ADCY3: variants seen among roughly 807,000 people sequenced by gnomAD.
ADCY3 encodes the protein adenylate cyclase 3.
A neutral mutation model predicts 119.4 loss-of-function variants in ADCY3; 70 were observed. That is an observed-to-expected ratio of 0.59 (90% CI 0.48 to 0.72). The LOEUF is 0.72. Ranked by LOEUF, ADCY3 falls within the 30% of genes least tolerant of loss-of-function variation. ADCY3 has a pLI of 0.00. For missense variants in ADCY3, 1,238 were observed against 1,541.6 expected (o/e 0.80, Z 3.30); for synonymous variants, 672 against 621.4 (o/e 1.08, Z -1.21).
rs768887691 is a variant in ADCY3, at chr2:24,878,456, G to A, written c.676-5737C>T. 1.3e-5 allele frequency among the ~76,000 whole-genome samples: 2 copies of A among 152,116 alleles called. No individual in the cohort carries two copies. The highest frequency in any genetic ancestry group is 2.9e-5 in the Non-Finnish European group (2 of 68,026). Reference sequence around the variant, plus strand: ...CCTATAAGCTCATTCCAGCCTGAAGGTTCCAGAACACTCTGGAACTGTGGA... The same window carrying A: ...CCTATAAGCTCATTCCAGCCTGAAGATTCCAGAACACTCTGGAACTGTGGA... On this transcript the variant is annotated intron_variant, in intron 2 of 21. Coordinates refer to ENST00000679454, the MANE Select transcript of ADCY3 (RefSeq NM_004036.5). This position sits in a 1 kb window ranked among gnomAD's most constrained non-coding sequence, Gnocchi z 4.0.
At chr2:24,822,304 AGCAGGGGGTTGT>A in intron 19 of ADCY3, 195 bp downstream of exon 19, 1 of 636,250 alleles carries the variant, frequency 1.6e-6, no homozygotes, top group African/African-American at 1.8e-5. Context: ...AGCTGTGAAC[AGCAGGGGGTTGT>A]GTGTCTGTTC....
At chr2:24,847,185 G>A (rs373981819) in intron 3 of ADCY3, among the ~76,000 whole-genome samples, 73 of 152,244 alleles carry the variant, frequency 4.8e-4, no homozygotes, top group African/African-American at 1.5e-3. Context: ...TGCTATTCTC[G>A]TGATAGCAAA....
At chr2:24,888,418 C>G (rs1677310931) in intron 2 of ADCY3, among the ~76,000 whole-genome samples, 1 of 152,242 alleles carries the variant, frequency 6.6e-6, no homozygotes, top group African/African-American at 2.4e-5. Flanking sequence ...GCTGCTAGAG[C>G]CACCTGCCGG....
At chr2:24,821,478 G>A in intron 20 of ADCY3, 39 bp downstream of exon 20, 2 of 1,608,818 alleles carry the variant, frequency 1.2e-6, no homozygotes, top group Non-Finnish European at 1.7e-6. Flanking sequence ...TGCATGGGAA[G>A]GGAGCCTGCT....
chr2:24,824,458 GTCGCATC>G lies in ADCY3; in HGVS notation c.2649_2655del (p.Glu883AspfsTer86). The G allele has an allele frequency of 6.2e-7, 1 of 1,614,216 alleles. No homozygotes were observed. Among genetic ancestry groups the G allele is most frequent in the South Asian group, 1.1e-5 (1 of 91,088 alleles). On this transcript the variant is annotated frameshift_variant, in exon 17 of 22. Coordinates refer to ENST00000679454, the MANE Select transcript of ADCY3 (RefSeq NM_004036.5). LOFTEE classifies it high-confidence loss of function. ...TTGGTGACCAAGGCCTCGTTCCAGC[GTCGCATC>G]TCATAGACACGTTCCTTCTGGTCGT...
chr2:24,918,395 C>G lies in ADCY3; in HGVS notation c.593G>C (p.Cys198Ser). Residue 198 changes from cysteine to serine, a missense_variant, in exon 2 of 22, where the codon TGT (cysteine) becomes TCT (serine). Cys to Ser is a moderately radical substitution (Grantham distance 112). Transcript: ENST00000679454. The surrounding 1 kb of genome is among the most constrained non-coding windows in gnomAD (Gnocchi z 5.4). ...SPIVIISVVSCVVHTLVLGVT... is the reference protein window; with the variant it reads ...SPIVIISVVSSVVHTLVLGVT... The stretch of plus-strand genomic sequence containing the variant: ...CCCCAGGACCAACGTGTGCACCACA[C>G]AGGAGACCACGGAGATGATCACGAT... 2 of 1,613,720 alleles carry G rather than the reference C, an allele frequency of 1.2e-6. No individual in the cohort carries two copies. The highest frequency in any genetic ancestry group is 1.1e-5 in the South Asian group (1 of 91,066).
chr2:24,838,558 C>T lies in ADCY3; in HGVS notation c.1420G>A (p.Asp474Asn), dbSNP rs772276162. ...AGGTAATCACAGCGGCTGCCCCCAT[C>T]GCCTGGCTCCACATCAAACTCCCCT... ...LKGEFDVEPG[D>N]GGSRCDYLEE... The change falls in exon 8 of 22, where the codon GAT becomes AAT. Residue 474 changes from aspartate (D) to asparagine (N), a missense_variant. This residue lies in a region of ADCY3 where 283 missense variants were observed against 437.2 expected (regional missense o/e 0.65). Coordinates refer to ENST00000679454, the MANE Select transcript of ADCY3 (RefSeq NM_004036.5). 14 of 1,614,048 alleles carry T rather than the reference C, an allele frequency of 8.7e-6. No individual in the cohort carries two copies. Among genetic ancestry groups the T allele is most frequent in the South Asian group, 5.5e-5 (5 of 91,080 alleles).
rs1241420296 is a variant in ADCY3 at position 24,838,545 on chromosome 2, C to T, written c.1433G>A (p.Arg478His). The T allele has an allele frequency of 1.9e-6, 3 of 1,613,986 alleles. No individual in the cohort carries two copies. Among genetic ancestry groups the T allele is most frequent in the Non-Finnish European group, 2.5e-6 (3 of 1,180,032 alleles). ...FDVEPGDGGSRCDYLEEKGIE... is the reference protein window; with the variant it reads ...FDVEPGDGGSHCDYLEEKGIE... The stretch of plus-strand genomic sequence containing the variant: ...ACCCTTCTCTTCTAGGTAATCACAG[C>T]GGCTGCCCCCATCGCCTGGCTCCAC... The change falls in exon 8 of 22, where the codon CGC becomes CAC. Residue 478 changes from arginine to histidine, a missense_variant. Coordinates refer to ENST00000679454, the MANE Select transcript of ADCY3 (RefSeq NM_004036.5).
intron 2 of ADCY3, among the ~76,000 whole-genome samples, chr2:24,874,762 G>A (rs766552490): frequency 3.9e-5 from 6 of 152,204 alleles, no homozygotes; most frequent in Non-Finnish European, 5.9e-5. Context: ...TTGCCCAGCC[G>A]GTGAGGGGCA....
chr2:24,883,676 G>A (rs935958576), intron 2 of ADCY3, among the ~76,000 whole-genome samples: 1 of 152,190 alleles, frequency 6.6e-6, no homozygotes, highest in Non-Finnish European at 1.5e-5. Context: ...CTGACTTTCT[G>A]AAACTAACTT....
intron 2 of ADCY3, among the ~76,000 whole-genome samples, chr2:24,907,575 G>C (rs551846172): frequency 6.6e-6 from 1 of 152,296 alleles, no homozygotes; most frequent in South Asian, 2.1e-4. Flanking sequence ...CTGAAAACCT[G>C]CTCAGAAGAA....
chr2:24,906,935 A>G (rs1662911971), intron 2 of ADCY3, among the ~76,000 whole-genome samples: 1 of 152,060 alleles, frequency 6.6e-6, no homozygotes, highest in Non-Finnish European at 1.5e-5. Context: ...GTTTGAGACC[A>G]CCCTGGCCAT....
intron 17 of ADCY3, among the ~76,000 whole-genome samples, chr2:24,823,640 C>T (rs990548733): frequency 3.3e-5 from 5 of 151,476 alleles, no homozygotes; most frequent in South Asian, 4.2e-4. Flanking sequence ...TCACCATGCC[C>T]GGCTGTAGAT....
At chr2:24,907,830 A>G (rs1028380936) in intron 2 of ADCY3, among the ~76,000 whole-genome samples, 4 of 151,568 alleles carry the variant, frequency 2.6e-5, no homozygotes, top group African/African-American at 9.7e-5. Flanking sequence ...CCCCATCTCT[A>G]CAAAAATACA....
chr2:24,858,918 A>G (rs1673317761), intron 3 of ADCY3, among the ~76,000 whole-genome samples: 1 of 152,224 alleles, frequency 6.6e-6, no homozygotes, highest in South Asian at 2.1e-4. Flanking sequence ...CTATGGGTTC[A>G]TCATCTGCAT....
Position 24,823,241 on chromosome 2 carries a change from A to G in ADCY3, c.2851T>C (p.Phe951Leu), listed in dbSNP as rs779895158. Residue 951 changes from phenylalanine to leucine, a missense_variant, in exon 18 of 22, where the codon TTC becomes CTC. Phe to Leu is a conservative substitution (Grantham distance 22, BLOSUM62 0). Coordinates refer to ENST00000679454, the MANE Select transcript of ADCY3 (RefSeq NM_004036.5). ...AAATCTGAGATGATTTCATTGAGGA[A>G]ACGCAGACACTCAATACCACCATTG... The part of the protein sequence containing the change: ...INNGGIECLR[F>L]LNEIISDFDS... 1 of 1,613,338 alleles carries G rather than the reference A, an allele frequency of 6.2e-7. No homozygotes were observed.
At chr2:24,853,022 G>A (rs1231675661) in intron 3 of ADCY3, among the ~76,000 whole-genome samples, 1 of 44,672 alleles carries the variant, frequency 2.2e-5, no homozygotes, top group Non-Finnish European at 4.2e-5. Flanking sequence ...GTGTGTGTGT[G>A]TGTGTGTGTG....
At chr2:24,833,029 G>A (rs887970121) in intron 11 of ADCY3, among the ~76,000 whole-genome samples, 3 of 152,188 alleles carry the variant, frequency 2.0e-5, no homozygotes, top group Non-Finnish European at 4.4e-5. Flanking sequence ...ATCTATCGAC[G>A]GAATCCAACC....
At chr2:24,902,390 T>C (rs539890642) in intron 2 of ADCY3, among the ~76,000 whole-genome samples, 37 of 151,798 alleles carry the variant, frequency 2.4e-4, no homozygotes, top group African/African-American at 8.0e-4. Context: ...CTTAGGTGTA[T>C]ATTTTGATGA....
Sources: gnomAD v4.1 joint callset for allele counts (sites outside exome capture counted in the v4.1 genomes callset) on GRCh38, gnomAD v4.1.1 for gene constraint, gnomAD v4.1.1 regional missense constraint, Gnocchi (gnomAD v3.1) non-coding constraint, MANE v1.5 for transcripts, NCBI Gene and HGNC (gene_info 2026-07-23, HGNC 2026-07-21) for gene names.